The following MAP3K12 variants were observed in gnomAD, a reference collection of about 807,000 sequenced individuals.
MAP3K12 encodes the protein mitogen-activated protein kinase kinase kinase 12.
A neutral mutation model predicts 87.5 loss-of-function variants in MAP3K12; 14 were observed. The observed-to-expected ratio is 0.16, with a 90% confidence interval of 0.11 to 0.25. The LOEUF is 0.25. MAP3K12 is among the 10% of genes least tolerant of loss of function. The pLI, the probability that MAP3K12 is intolerant of heterozygous loss-of-function variation, is 1.00. For missense variants in MAP3K12, 802 were observed against 1,140.4 expected (o/e 0.70, Z 4.27); for synonymous variants, 469 against 452.5 (o/e 1.04, Z -0.46).
chr12:53,487,644 G>A (rs1386118154), intron 1 of MAP3K12: 23 of 506,280 alleles, frequency 4.5e-5, no homozygotes, highest in Non-Finnish European at 3.5e-6. Flanking sequence ...ATGTTAGTAA[G>A]GCAAGTAATA....
chr12:53,485,540 A>G, intron 4 of MAP3K12, 65 bp from the exon 5 acceptor site: 1 of 1,535,952 alleles, frequency 6.5e-7, no homozygotes, highest in Non-Finnish European at 8.8e-7. Flanking sequence ...CTCTGCAGCA[A>G]CTCTGCCTTT....
In MAP3K12 at chr12:53,485,205, G is replaced by A. The variant is rs142538656; in HGVS notation, c.990C>T (p.Gly330=). 4.1e-5 allele frequency: 66 copies of A among 1,611,548 alleles called. No individual in the cohort carries two copies. The highest frequency in any genetic ancestry group is 1.5e-4 in the South Asian group (14 of 90,722). ...VSEKVDIWSF[G]VVLWELLTGE... is the part of the protein sequence containing the mutation. Reference sequence around the variant, plus strand: ...CAGTCAGCAGTTCCCATAGCACCACGCCAAAGGACCTAGGGATGAGGGGAC... The same window carrying A: ...CAGTCAGCAGTTCCCATAGCACCACACCAAAGGACCTAGGGATGAGGGGAC... Residue 330 remains glycine (G), a synonymous_variant, in exon 6 of 14, where the codon GGC becomes GGT. Transcript: ENST00000547488.
At chr12:53,497,933 A>G (rs1017195317) in intron 1 of MAP3K12, among the ~76,000 whole-genome samples, 8 of 152,194 alleles carry the variant, frequency 5.3e-5, no homozygotes, top group Admixed American at 5.2e-4. Context: ...CAGTGTCACC[A>G]CGAGGGGAAA....
At chr12:53,501,477 C>T (rs776722843), upstream of MAP3K12, 1 of 1,560,820 alleles carries the variant, frequency 6.4e-7, no homozygotes, top group East Asian at 2.4e-5. Flanking sequence ...CCGTCTCGTA[C>T]CGATTCCTTC....
chr12:53,484,798 G>T, intron 6 of MAP3K12: 1 of 538,258 alleles, frequency 1.9e-6, no homozygotes, highest in Non-Finnish European at 3.3e-6. Context: ...CCTTGTACTT[G>T]TATGCACTCA....
At chr12:53,483,873 C>CTG in intron 8 of MAP3K12, 38 bp downstream of exon 8, 1 of 1,611,616 alleles carries the variant, frequency 6.2e-7, no homozygotes, top group Non-Finnish European at 8.5e-7. Context: ...ATAGTCCTTG[C>CTG]TGTTAGTAAA....
chr12:53,484,264 T>G lies in MAP3K12; in HGVS notation c.1241A>C (p.Lys414Thr). ...TTCCTACCCACAGCACACCTGGGAC[T>G]TAAAGTAAGTCTCCTGGGGTGTGGA... is the stretch of plus-strand genomic sequence containing the variant. ...VLSTPQETYF[K>T]SQAEWREEVK... is the part of the protein sequence containing the mutation. Residue 414 changes from lysine (K) to threonine (T), a missense_variant, in exon 7 of 14, where the codon AAG becomes ACG. Physicochemically the swap from Lys to Thr is moderately conservative, Grantham distance 78. Transcript: ENST00000547488. 6.2e-7 allele frequency: 1 copy of G among 1,613,800 alleles called. No individual in the cohort carries two copies. Among genetic ancestry groups the G allele is most frequent in the Non-Finnish European group, 8.5e-7 (1 of 1,179,676 alleles).
At chr12:53,494,504 G>A (rs773056833) in intron 1 of MAP3K12, among the ~76,000 whole-genome samples, 1 of 152,148 alleles carries the variant, frequency 6.6e-6, no homozygotes, top group Non-Finnish European at 1.5e-5. Flanking sequence ...CACCTTCTAG[G>A]TTCTCTGGCC....
Position 53,486,312 on chromosome 12 carries a change from A to ACCCC in MAP3K12, c.630-69_630-66dup. ...AGCATTCACCTGATTCATACCTGGA[A>ACCCC]CCCCCATTCCCACCCATTCCACCTA... On this transcript the variant is annotated intron_variant, in intron 3 of 13. Transcript: ENST00000547488. The surrounding 1 kb of genome is among the most constrained non-coding windows in gnomAD (Gnocchi z 4.9). The ACCCC allele has an allele frequency of 6.4e-7, 1 of 1,552,202 alleles. No individual in the cohort carries two copies. The highest frequency in any genetic ancestry group is 8.7e-7 in the Non-Finnish European group (1 of 1,145,320).
rs200829600 is a variant in MAP3K12, at chr12:53,485,109, C to A, written c.1086G>T (p.Leu362=). The change falls in exon 6 of 14, where the codon CTG becomes CTT. Residue 362 remains leucine (L), a synonymous_variant. Coordinates refer to ENST00000547488, the MANE Select transcript of MAP3K12 (RefSeq NM_001193511.2). ...CATCTGGGCAACTGGAGGGCACGGG[C>A]AGATGGAGACTGTTGCTTCCCACAC... ...IWGVGSNSLH[L]PVPSSCPDGF... 3 of 1,614,172 alleles carry A rather than the reference C, an allele frequency of 1.9e-6. No individual in the cohort carries two copies. The highest frequency in any genetic ancestry group is 2.5e-6 in the Non-Finnish European group (3 of 1,180,024).
chr12:53,488,702 C>T (rs927121388), intron 1 of MAP3K12, among the ~76,000 whole-genome samples: 4 of 151,924 alleles, frequency 2.6e-5, no homozygotes, highest in African/African-American at 4.8e-5. Flanking sequence ...ATTAAAAAAC[C>T]TGAATCTGGC....
chr12:53,484,991 C>T (rs1943190873), intron 6 of MAP3K12, 65 bp downstream of exon 6: 1 of 1,595,328 alleles, frequency 6.3e-7, no homozygotes, highest in African/African-American at 1.3e-5. Flanking sequence ...TTGGTCAGTC[C>T]AGCCCAGTAC....
rs1237385507 is a variant in MAP3K12, at chr12:53,486,916, G to A, written c.445+31C>T. The A allele has an allele frequency of 1.9e-6, 3 of 1,607,650 alleles. No individual in the cohort carries two copies. The highest frequency in any genetic ancestry group is 2.6e-6 in the Non-Finnish European group (3 of 1,175,174). On this transcript the variant is annotated intron_variant, in intron 2 of 13. Coordinates refer to ENST00000547488, the MANE Select transcript of MAP3K12 (RefSeq NM_001193511.2). This position sits in a 1 kb window ranked among gnomAD's most constrained non-coding sequence, Gnocchi z 4.9. ...AACAGATCTCGGGCTCAGGGAAACA[G>A]AGAGGAGGCTCCCACAAGGACGTGG...
chr12:53,500,906 T>C (rs1943671904), upstream of MAP3K12: 1 of 156,858 alleles, frequency 6.4e-6, no homozygotes, highest in Non-Finnish European at 1.4e-5. Flanking sequence ...AAGCTTCTCG[T>C]GCGTGCTTGA....
Position 53,486,918 on chromosome 12 carries a change from G to T in MAP3K12, c.445+29C>A. 1 of 1,608,148 alleles carries T rather than the reference G, an allele frequency of 6.2e-7. No homozygotes were observed. The highest frequency in any genetic ancestry group is 8.5e-7 in the Non-Finnish European group (1 of 1,175,446). The stretch of plus-strand genomic sequence containing the variant: ...CAGATCTCGGGCTCAGGGAAACAGA[G>T]AGGAGGCTCCCACAAGGACGTGGCC... On this transcript the variant is annotated intron_variant, in intron 2 of 13. Coordinates refer to ENST00000547488, the MANE Select transcript of MAP3K12 (RefSeq NM_001193511.2). The surrounding 1 kb of genome is among the most constrained non-coding windows in gnomAD (Gnocchi z 4.9).
At chr12:53,488,337 T>C (rs987496177) in intron 1 of MAP3K12, among the ~76,000 whole-genome samples, 3 of 152,206 alleles carry the variant, frequency 2.0e-5, no homozygotes, top group Non-Finnish European at 4.4e-5. Context: ...AATGGAGATG[T>C]GTCCCAGTTC....
chr12:53,488,476 A>G (rs897307927), intron 1 of MAP3K12, among the ~76,000 whole-genome samples: 1 of 152,202 alleles, frequency 6.6e-6, no homozygotes, highest in Non-Finnish European at 1.5e-5. Context: ...AGTCTGGTCA[A>G]CATGGAGAAA....
Position 53,483,171 on chromosome 12 carries a change from C to G in MAP3K12, c.1632G>C (p.Thr544=). The G allele has an allele frequency of 6.6e-7, 1 of 1,521,112 alleles. No individual in the cohort carries two copies. The highest frequency in any genetic ancestry group is 1.3e-5 in the South Asian group (1 of 75,000). The allele number at this position is 1,521,112 out of a possible 1,614,324, so 94.2% of individuals were successfully genotyped here. The change falls in exon 11 of 14, where the codon ACG becomes ACC. Residue 544 remains threonine (T), a synonymous_variant. Transcript: ENST00000547488. ...PHSKRPDILK[T]ESLLPKLDAA... Reference sequence around the variant, plus strand: ...CATCTAGTTTAGGGAGCAAAGACTCCGTCTTGAGGATATCTGGCCTGGAAG... The same window carrying G: ...CATCTAGTTTAGGGAGCAAAGACTCGGTCTTGAGGATATCTGGCCTGGAAG...
intron 6 of MAP3K12, 61 bp from the exon 7 acceptor site, chr12:53,484,426 G>T: frequency 8.0e-7 from 1 of 1,249,362 alleles, no homozygotes; most frequent in Non-Finnish European, 1.2e-6. Flanking sequence ...GATAGGAACT[G>T]GAGCATCCTT....
Sources: allele counts gnomAD v4.1 joint callset (sites outside exome capture counted in the v4.1 genomes callset), GRCh38; gene constraint gnomAD v4.1.1; non-coding constraint Gnocchi (gnomAD v3.1); transcripts MANE v1.5; gene names NCBI Gene and HGNC (gene_info 2026-07-23, HGNC 2026-07-21).